FHIT: variants seen among roughly 807,000 people sequenced by gnomAD.
The protein encoded by FHIT is bis(5'-adenosyl)-triphosphatase.
Under a neutral mutation model 17.9 loss-of-function variants are expected in FHIT, and 19 were observed. The ratio of observed to expected loss-of-function variants is 1.06; its 90% CI spans 0.74 to 1.56. The LOEUF (loss-of-function observed/expected upper bound fraction) is 1.56. Among genes scored for constraint, FHIT ranks in the 40% most tolerant of loss-of-function variants. The pLI, the probability that FHIT is intolerant of heterozygous loss-of-function variation, is 0.00. For missense variants in FHIT, 248 were observed against 189.2 expected (o/e 1.31, Z -1.82); for synonymous variants, 81 against 69.7 (o/e 1.16, Z -0.81).
chr3:59,825,374 T>G (rs1700941413), intron 8 of FHIT, among the ~76,000 whole-genome samples: 1 of 152,214 alleles, frequency 6.6e-6, no homozygotes, highest in Non-Finnish European at 1.5e-5. Context: ...TAATGGCACT[T>G]TCATTTATTA....
chr3:60,027,099 TCACACACAGACACACACACACACACACA>T (rs1700770908), intron 5 of FHIT, among the ~76,000 whole-genome samples: 1 of 126,870 alleles, frequency 7.9e-6, no homozygotes, highest in East Asian at 2.4e-4. Flanking sequence ...TAAGACTGTT[TCACACACAGACACACACACACACACACA>T]CACACACACA....
chr3:60,237,225 C>A (rs1262179547), intron 5 of FHIT, among the ~76,000 whole-genome samples: 1 of 150,608 alleles, frequency 6.6e-6, no homozygotes, highest in African/African-American at 2.4e-5. Context: ...TCTCCATATC[C>A]TTAAAAATTG....
intron 2 of FHIT, among the ~76,000 whole-genome samples, chr3:61,103,891 CT>C (rs1214060792): frequency 0.04 from 5,677 of 141,428 alleles, 174 homozygotes; most frequent in African/African-American, 0.086. Context: ...GCTTTTTTTT[CT>C]TTTTTTTTTT....
chr3:60,587,182 T>G (rs2037934289), intron 4 of FHIT, among the ~76,000 whole-genome samples: 1 of 151,726 alleles, frequency 6.6e-6, no homozygotes, highest in Middle Eastern at 3.4e-3. Flanking sequence ...AAAAAAGGAA[T>G]GAGATAATGT....
chr3:60,955,635 C>CATATATATATATACAT (rs1553778580), intron 3 of FHIT, among the ~76,000 whole-genome samples: 3 of 48,366 alleles, frequency 6.2e-5, no homozygotes, highest in African/African-American at 1.5e-4. Flanking sequence ...TATATATATA[C>CATATATATATATACAT]ACACACACAC....
intron 5 of FHIT, among the ~76,000 whole-genome samples, chr3:60,261,801 C>A (rs1706319390): frequency 6.6e-6 from 1 of 151,924 alleles, no homozygotes; most frequent in Admixed American, 6.6e-5. Context: ...TACAGTAATT[C>A]TCTGACCTCT....
chr3:61,237,396 T>C (rs568996242), intron 1 of FHIT, among the ~76,000 whole-genome samples: 1 of 152,364 alleles, frequency 6.6e-6, no homozygotes, highest in East Asian at 1.9e-4. Context: ...TATATTCCTG[T>C]CTTTAACATC....
chr3:60,348,963 T>G (rs1018989695), intron 5 of FHIT, among the ~76,000 whole-genome samples: 1 of 152,176 alleles, frequency 6.6e-6, no homozygotes, highest in African/African-American at 2.4e-5. Context: ...TTAGCCAACC[T>G]CAGCACATTT....
intron 8 of FHIT, among the ~76,000 whole-genome samples, chr3:59,840,137 A>G (rs1272207573): frequency 6.6e-6 from 1 of 152,202 alleles, no homozygotes; most frequent in African/African-American, 2.4e-5. Context: ...GTAATCAAAA[A>G]GGATGGGCAA....
chr3:60,142,175 T>C (rs1431038371), intron 5 of FHIT, among the ~76,000 whole-genome samples: 1 of 152,176 alleles, frequency 6.6e-6, no homozygotes, highest in East Asian at 1.9e-4. Context: ...CCAGCCTTTA[T>C]CAGCTCAAAT....
intron 4 of FHIT, among the ~76,000 whole-genome samples, chr3:60,614,706 A>G (rs547583152): frequency 1.3e-5 from 2 of 152,192 alleles, no homozygotes; most frequent in South Asian, 4.1e-4. Context: ...GAAATTATTT[A>G]TTAAACCCAT....
At chr3:60,821,103 G>C (rs1475252649) in intron 4 of FHIT, among the ~76,000 whole-genome samples, 1 of 151,950 alleles carries the variant, frequency 6.6e-6, no homozygotes, top group East Asian at 1.9e-4. Flanking sequence ...AGCCTCCTGA[G>C]TAGCTGGGAT....
At chr3:59,868,863 C>T (rs1702779927) in intron 8 of FHIT, among the ~76,000 whole-genome samples, 1 of 152,120 alleles carries the variant, frequency 6.6e-6, no homozygotes. Flanking sequence ...ATTCTCTTTC[C>T]TATTGTTCAT....
At chr3:60,047,439 C>T (rs1450729033) in intron 5 of FHIT, among the ~76,000 whole-genome samples, 5 of 152,174 alleles carry the variant, frequency 3.3e-5, no homozygotes, top group African/African-American at 4.8e-5. Flanking sequence ...TGTTCAACTT[C>T]AAAAGTCCAG....
chr3:60,719,884 A>G (rs2041770954), intron 4 of FHIT, among the ~76,000 whole-genome samples: 2 of 151,956 alleles, frequency 1.3e-5, no homozygotes, highest in African/African-American at 2.4e-5. Flanking sequence ...AGCTGTTCTC[A>G]TTTCTCTCCA....
intron 5 of FHIT, among the ~76,000 whole-genome samples, chr3:60,121,845 A>G (rs114431580): frequency 0.011 from 1,725 of 152,078 alleles, 31 homozygotes; most frequent in African/African-American, 0.039. Context: ...TCCCTTCTCC[A>G]AGCCTCCCTT....
At chr3:61,105,237 G>GC (rs998870816) in intron 2 of FHIT, among the ~76,000 whole-genome samples, 11 of 125,578 alleles carry the variant, frequency 8.8e-5, no homozygotes, top group African/African-American at 2.8e-4. Context: ...ACCTTTGGAT[G>GC]CTTTTTTTTT....
intron 8 of FHIT, among the ~76,000 whole-genome samples, chr3:59,865,574 A>T (rs1575608978): frequency 6.6e-6 from 1 of 152,254 alleles, no homozygotes; most frequent in African/African-American, 2.4e-5. Context: ...ATGGGATTCT[A>T]GGTCAGAGCC....
At chr3:60,965,259 C>T (rs1188885332) in intron 3 of FHIT, among the ~76,000 whole-genome samples, 2 of 152,174 alleles carry the variant, frequency 1.3e-5, no homozygotes, top group East Asian at 3.9e-4. Flanking sequence ...ACGTAGTTCT[C>T]ATGCCATGGT....
Sources: gnomAD v4.1 joint callset for allele counts (sites outside exome capture counted in the v4.1 genomes callset) on GRCh38, gnomAD v4.1.1 for gene constraint, MANE v1.5 for transcripts, NCBI Gene and HGNC (gene_info 2026-07-23, HGNC 2026-07-21) for gene names.